Variants in HTRA3 observed in about 807,000 individuals in gnomAD.
The protein encoded by HTRA3 is serine protease HTRA3.
A neutral mutation model predicts 43.2 loss-of-function variants in HTRA3; 41 were observed. That is an observed-to-expected ratio of 0.95 (90% CI 0.74 to 1.23). The LOEUF (loss-of-function observed/expected upper bound fraction) is 1.23. Among genes scored for constraint, HTRA3 ranks in the 50% most tolerant of loss-of-function variants. The pLI is 0.00. For missense variants in HTRA3, 628 were observed against 647.1 expected (o/e 0.97, Z 0.32); for synonymous variants, 295 against 287.9 (o/e 1.02, Z -0.25).
At chr4:8,282,921 A>G (rs895885735) in intron 2 of HTRA3, among the ~76,000 whole-genome samples, 1 of 152,158 alleles carries the variant, frequency 6.6e-6, no homozygotes, top group African/African-American at 2.4e-5. Flanking sequence ...CAAGGAGCAG[A>G]GGCATGGCAG....
At chr4:8,298,868 G>A (rs772069000) in intron 6 of HTRA3, among the ~76,000 whole-genome samples, 6 of 152,220 alleles carry the variant, frequency 3.9e-5, no homozygotes, top group Non-Finnish European at 4.4e-5. Context: ...GCACTGGCCC[G>A]ATTACTGTGG....
At chr4:8,288,938 C>T (rs1425647007) in intron 3 of HTRA3, among the ~76,000 whole-genome samples, 2 of 148,206 alleles carry the variant, frequency 1.3e-5, no homozygotes, top group Admixed American at 1.3e-4. Flanking sequence ...TCCTTCCTCC[C>T]TTCCTCCCCC....
intron 5 of HTRA3, among the ~76,000 whole-genome samples, chr4:8,293,365 C>T (rs925622354): frequency 1.3e-5 from 2 of 152,194 alleles, no homozygotes; most frequent in Non-Finnish European, 2.9e-5. Flanking sequence ...CTGGATCTCA[C>T]ACTCGGATGC....
At chr4:8,293,997 T>C (rs1411751788) in intron 5 of HTRA3, 90 bp from the exon 6 acceptor site, 1 of 820,148 alleles carries the variant, frequency 1.2e-6, no homozygotes, top group Non-Finnish European at 2.0e-6. Context: ...GGGGTCAGCC[T>C]CTAGAAACAG....
chr4:8,270,000 T>G lies in HTRA3; in HGVS notation c.32T>G (p.Leu11Trp), dbSNP rs1391344662. The change falls in exon 1 of 9, where the codon TTG (leucine) becomes TGG (tryptophan). Residue 11 changes from leucine to tryptophan, a missense_variant. Physicochemically the swap from Leu to Trp is moderately conservative, Grantham distance 61 (BLOSUM62 -2). Coordinates refer to ENST00000307358, the MANE Select transcript of HTRA3 (RefSeq NM_053044.5). MQARALLLAALAALALAREPP... is the reference protein window; with the variant it reads MQARALLLAAWAALALAREPP... Reference sequence around the variant, plus strand: ...GCGCGAGCGCTGCTCCTGGCCGCGTTGGCCGCGCTGGCGCTGGCCCGGGAG... The same window carrying G: ...GCGCGAGCGCTGCTCCTGGCCGCGTGGGCCGCGCTGGCGCTGGCCCGGGAG... 1 of 1,260,082 alleles carries G rather than the reference T, an allele frequency of 7.9e-7. No homozygotes were observed. The highest frequency in any genetic ancestry group is 3.3e-5 in the East Asian group (1 of 30,050). 78.1% of individuals were successfully genotyped at this position (1,260,082 alleles called of 1,614,324 possible).
intron 3 of HTRA3, among the ~76,000 whole-genome samples, chr4:8,289,491 G>A (rs1380374111): frequency 1.3e-5 from 2 of 152,228 alleles, no homozygotes; most frequent in East Asian, 3.9e-4. Flanking sequence ...CTAGGGGCAG[G>A]TCTGTCTCCC....
intron 6 of HTRA3, 32 bp downstream of exon 6, chr4:8,294,233 AG>A (rs1713357596): frequency 3.4e-6 from 5 of 1,482,446 alleles, no homozygotes; most frequent in South Asian, 2.3e-5. Flanking sequence ...GGCCAGAGGC[AG>A]GGGGCACTCT....
In HTRA3 at chr4:8,304,221, C is replaced by G; in HGVS notation, c.1138C>G (p.Pro380Ala). Residue 380 changes from proline to alanine, a missense_variant, in exon 8 of 9, where the codon CCA becomes GCA. By Grantham distance (27) the Pro-to-Ala change is conservative. Coordinates refer to ENST00000307358, the MANE Select transcript of HTRA3 (RefSeq NM_053044.5). ...GCTGAAGGCCAGCAACCCGGACTTC[C>G]CAGAGGTCAGCAGTGGAATTTATGT... ...DELKASNPDF[P>A]EVSSGIYVQE... 1 of 1,614,164 alleles carries G rather than the reference C, an allele frequency of 6.2e-7. No individual in the cohort carries two copies.
chr4:8,285,538 C>A (rs1450179397), intron 2 of HTRA3, among the ~76,000 whole-genome samples: 1 of 152,232 alleles, frequency 6.6e-6, no homozygotes, highest in African/African-American at 2.4e-5. Flanking sequence ...TTTCCTTGCT[C>A]ATCTCTACTA....
Position 8,297,914 on chromosome 4 carries a change from G to A in HTRA3, c.1051+3713G>A, listed in dbSNP as rs529860007. ...CCCTGCTCCTGCAGCCCCACCTGCCGTCCCCACTGAGTTATGTCAGCCTTG... is the reference window on the plus strand; with the variant it reads ...CCCTGCTCCTGCAGCCCCACCTGCCATCCCCACTGAGTTATGTCAGCCTTG... On this transcript the variant is annotated intron_variant, in intron 6 of 8. Coordinates refer to ENST00000307358, the MANE Select transcript of HTRA3 (RefSeq NM_053044.5). This position sits in a 1 kb window ranked among gnomAD's most constrained non-coding sequence, Gnocchi z 5.8. 2.0e-4 allele frequency among the ~76,000 whole-genome samples: 31 copies of A among 152,250 alleles called. No homozygotes were observed. The highest frequency in any genetic ancestry group is 4.0e-4 in the Non-Finnish European group (27 of 68,022).
At chr4:8,299,991 G>T (rs1004635154) in intron 6 of HTRA3, among the ~76,000 whole-genome samples, 2 of 151,766 alleles carry the variant, frequency 1.3e-5, no homozygotes, top group Admixed American at 6.6e-5. Flanking sequence ...AGGTGCCCAC[G>T]ATCATGCCCA....
chr4:8,283,588 C>G (rs751974435), intron 2 of HTRA3, among the ~76,000 whole-genome samples: 22 of 152,264 alleles, frequency 1.4e-4, no homozygotes, highest in Non-Finnish European at 2.4e-4. Flanking sequence ...TCCCATCCAC[C>G]TTTGCTGGCC....
intron 1 of HTRA3, 43 bp downstream of exon 1, chr4:8,270,396 T>C (rs1467737054): frequency 2.2e-6 from 3 of 1,366,802 alleles, no homozygotes. Context: ...CTTCTTTCTC[T>C]TGGGGAAACT....
intron 1 of HTRA3, among the ~76,000 whole-genome samples, chr4:8,277,185 T>C (rs902542219): frequency 1.3e-4 from 19 of 151,940 alleles, no homozygotes; most frequent in Non-Finnish European, 2.6e-4. Context: ...CACGGTTCAC[T>C]TGGGGACATG....
intron 2 of HTRA3, among the ~76,000 whole-genome samples, chr4:8,283,682 A>G (rs1484408361): frequency 6.6e-6 from 1 of 152,140 alleles, no homozygotes; most frequent in African/African-American, 2.4e-5. Flanking sequence ...CCTGATAGGG[A>G]TCAGACGGCG....
chr4:8,300,905 C>T (rs1325432662), intron 6 of HTRA3, among the ~76,000 whole-genome samples: 1 of 151,660 alleles, frequency 6.6e-6, no homozygotes, highest in East Asian at 1.9e-4. Context: ...TATTGATTCA[C>T]ACTCTCAGCT....
At chr4:8,293,180 G>C (rs1713311672) in intron 5 of HTRA3, among the ~76,000 whole-genome samples, 1 of 152,202 alleles carries the variant, frequency 6.6e-6, no homozygotes, top group African/African-American at 2.4e-5. Flanking sequence ...CACCCTATGT[G>C]CCCAAGATGT....
chr4:8,275,518 G>A (rs926734497), intron 1 of HTRA3, among the ~76,000 whole-genome samples: 2 of 152,214 alleles, frequency 1.3e-5, no homozygotes, highest in Non-Finnish European at 2.9e-5. Flanking sequence ...AGAAGAGGAA[G>A]AAACCACCTT....
At chr4:8,281,296 C>G (rs1410324528) in intron 1 of HTRA3, among the ~76,000 whole-genome samples, 1 of 152,154 alleles carries the variant, frequency 6.6e-6, no homozygotes, top group Non-Finnish European at 1.5e-5. Flanking sequence ...TCCCAGAGAT[C>G]AAGAGAAATG....
Sources: allele counts gnomAD v4.1 joint callset (sites outside exome capture counted in the v4.1 genomes callset), GRCh38; gene constraint gnomAD v4.1.1; non-coding constraint Gnocchi (gnomAD v3.1); transcripts MANE v1.5; gene names NCBI Gene and HGNC (gene_info 2026-07-23, HGNC 2026-07-21).